SPDYE10: variants seen among roughly 807,000 people sequenced by gnomAD.
SPDYE10 encodes speedy/RINGO cell cycle regulator family member E10.
At chr7:73,130,385 A>T in the SPDYE10 span, among the ~76,000 whole-genome samples, 1 of 151,942 alleles carries the variant, frequency 6.6e-6, no homozygotes, top group Admixed American at 6.5e-5. Context: ...CGTGTTAGGG[A>T]GAAGGAAAGG....
At chr7:73,126,420 T>A in the SPDYE10 span, among the ~76,000 whole-genome samples, 1 of 106,982 alleles carries the variant, frequency 9.3e-6, no homozygotes, top group Non-Finnish European at 1.7e-5. Context: ...GGCAGGAGAA[T>A]CACTTGAACC....
At chr7:73,154,462 C>T in the SPDYE10 span, among the ~76,000 whole-genome samples, 1 of 149,026 alleles carries the variant, frequency 6.7e-6, no homozygotes, top group South Asian at 2.1e-4. Context: ...TGAGTGTCCC[C>T]TCCCCCGGGT....
chr7:73,138,016 A>G, the SPDYE10 span, among the ~76,000 whole-genome samples: 5 of 151,534 alleles, frequency 3.3e-5, no homozygotes, highest in African/African-American at 1.2e-4. Context: ...ATGTTGCCTA[A>G]TTGTCCCCAA....
At chr7:73,152,168 C>G in the SPDYE10 span, among the ~76,000 whole-genome samples, 1 of 137,154 alleles carries the variant, frequency 7.3e-6, no homozygotes, top group Admixed American at 7.1e-5. Flanking sequence ...ATGCACACCA[C>G]CATGCCTGGC....
At chr7:73,124,438 GTTC>G in the SPDYE10 span, among the ~76,000 whole-genome samples, 1 of 149,762 alleles carries the variant, frequency 6.7e-6, no homozygotes, top group Admixed American at 6.8e-5. Context: ...TGAAATTGGT[GTTC>G]AGCCCTGGGA....
At chr7:73,113,557 AAATAT>A in the SPDYE10 span, among the ~76,000 whole-genome samples, 3 of 146,666 alleles carry the variant, frequency 2.0e-5, no homozygotes, top group Non-Finnish European at 4.5e-5. Context: ...TTTTTTAATT[AAATAT>A]AAAAGAGTTT....
the SPDYE10 span, among the ~76,000 whole-genome samples, chr7:73,137,869 GAGGAGAAGGGGAGGGGAAGGA>G: frequency 1.0e-5 from 1 of 99,354 alleles, no homozygotes; most frequent in Non-Finnish European, 2.0e-5. Context: ...AGGGGAAGGA[GAGGAGAAGGGGAGGGGAAGGA>G]GAGGGGAAGG....
At chr7:73,137,530 AAGAAAGAGAGAG>A in the SPDYE10 span, among the ~76,000 whole-genome samples, 1 of 151,016 alleles carries the variant, frequency 6.6e-6, no homozygotes. Context: ...AAAAAAAGGA[AAGAAAGAGAGAG>A]AGAAAGAAAG....
At chr7:73,141,070 CCA>C in the SPDYE10 span, among the ~76,000 whole-genome samples, 26,416 of 135,032 alleles carry the variant, frequency 0.2, 1,212 homozygotes, top group Middle Eastern at 0.26. Context: ...TCCATTTCTA[CCA>C]CACACACACA....
At chr7:73,123,914 C>A in the SPDYE10 span, among the ~76,000 whole-genome samples, 1 of 151,818 alleles carries the variant, frequency 6.6e-6, no homozygotes. Context: ...CACACAACCA[C>A]GTCCAGCTAA....
chr7:73,123,007 C>T, the SPDYE10 span, among the ~76,000 whole-genome samples: 1 of 152,152 alleles, frequency 6.6e-6, no homozygotes, highest in African/African-American at 2.4e-5. Context: ...GGCACATGTG[C>T]ACAGCACTGA....
the SPDYE10 span, among the ~76,000 whole-genome samples, chr7:73,152,292 T>C: frequency 8.9e-4 from 126 of 141,488 alleles, no homozygotes; most frequent in Admixed American, 1.7e-3. Flanking sequence ...GGATTATAGT[T>C]GTGAGCCACT....
chr7:73,125,325 G>C, the SPDYE10 span, among the ~76,000 whole-genome samples: 445 of 144,690 alleles, frequency 3.1e-3, no homozygotes, highest in African/African-American at 0.012. Context: ...GCAGCCAGAA[G>C]AATCTGCCAA....
the SPDYE10 span, among the ~76,000 whole-genome samples, chr7:73,127,958 G>T: frequency 7.5e-6 from 1 of 133,180 alleles, no homozygotes; most frequent in African/African-American, 3.0e-5. Context: ...ACTATTCTAC[G>T]TAAATATCTT....
the SPDYE10 span, chr7:73,104,735 T>G: frequency 7.3e-6 from 1 of 136,720 alleles, no homozygotes; most frequent in African/African-American, 2.6e-5. Flanking sequence ...TGTTTTTTTC[T>G]GGTGGGGAAC....
At chr7:73,123,660 G>T in the SPDYE10 span, among the ~76,000 whole-genome samples, 1 of 152,108 alleles carries the variant, frequency 6.6e-6, no homozygotes, top group Admixed American at 6.5e-5. Context: ...GTTTCCCCAT[G>T]TTGGCCAGGC....
the SPDYE10 span, among the ~76,000 whole-genome samples, chr7:73,115,050 C>A: frequency 6.6e-6 from 1 of 152,130 alleles, no homozygotes; most frequent in African/African-American, 2.4e-5. Flanking sequence ...GCACCCACCA[C>A]CACGTATGAC....
chr7:73,116,757 TTTGTAGAGTTGGGGGATC>T, the SPDYE10 span, among the ~76,000 whole-genome samples: 1 of 150,798 alleles, frequency 6.6e-6, no homozygotes, highest in East Asian at 2.0e-4. Flanking sequence ...CTTCTATATT[TTTGTAGAGTTGGGGGATC>T]TTGCTACGTT....
the SPDYE10 span, among the ~76,000 whole-genome samples, chr7:73,114,662 A>T: frequency 4.8e-5 from 6 of 125,332 alleles, no homozygotes; most frequent in Non-Finnish European, 1.0e-4. Flanking sequence ...TCAGCCTCCC[A>T]AGTATCTGGG....
Sources: allele counts gnomAD v4.1 joint callset (sites outside exome capture counted in the v4.1 genomes callset), GRCh38; gene constraint gnomAD v4.1.1; transcripts MANE v1.5; gene names NCBI Gene and HGNC (gene_info 2026-07-23, HGNC 2026-07-21).